Variants in NR3C2 observed in about 807,000 individuals in gnomAD.
NR3C2 encodes nuclear receptor subfamily 3 group C member 2.
Under a neutral mutation model 86.4 loss-of-function variants are expected in NR3C2, and 15 were observed. The observed-to-expected ratio is 0.17, with a 90% CI of 0.12 to 0.27. NR3C2 has a LOEUF of 0.27. Ranked by LOEUF, NR3C2 falls within the 10% of genes least tolerant of loss-of-function variation. The pLI is 1.00. For synonymous variants in NR3C2, 458 were observed against 450.5 expected (o/e 1.02, Z -0.21); for missense variants, 960 against 1,195.6 (o/e 0.80, Z 2.91).
chr4:148,381,969 T>C (rs1747015400), intron 2 of NR3C2, among the ~76,000 whole-genome samples: 9 of 152,204 alleles, frequency 5.9e-5, no homozygotes, highest in Admixed American at 4.6e-4. Context: ...CTAGATCCAA[T>C]ACAAATCTCC....
chr4:148,220,086 C>CT (rs1309638248), intron 3 of NR3C2, among the ~76,000 whole-genome samples: 2 of 110,248 alleles, frequency 1.8e-5, no homozygotes, highest in African/African-American at 6.2e-5. Flanking sequence ...CTACACCCAG[C>CT]TAATTTTTTT....
At chr4:148,246,073 T>A (rs1227016467) in intron 3 of NR3C2, among the ~76,000 whole-genome samples, 1 of 146,522 alleles carries the variant, frequency 6.8e-6, no homozygotes, top group African/African-American at 2.6e-5. Flanking sequence ...AAACGAATGG[T>A]GTTCCCTGGT....
chr4:148,279,482 C>T (rs1005725009), intron 2 of NR3C2, among the ~76,000 whole-genome samples: 1 of 152,142 alleles, frequency 6.6e-6, no homozygotes, highest in Admixed American at 6.5e-5. Context: ...AAACAAGACA[C>T]TAAAAATTCA....
intron 2 of NR3C2, among the ~76,000 whole-genome samples, chr4:148,382,326 G>A (rs1747038716): frequency 6.6e-6 from 1 of 152,080 alleles, no homozygotes; most frequent in Admixed American, 6.6e-5. Context: ...TAGGAGCTAA[G>A]GATAAAAATA....
chr4:148,344,362 G>A (rs1159424027), intron 2 of NR3C2, among the ~76,000 whole-genome samples: 1 of 152,104 alleles, frequency 6.6e-6, no homozygotes, highest in African/African-American at 2.4e-5. Context: ...ACAACATAGA[G>A]ACAGGATGGC....
intron 2 of NR3C2, among the ~76,000 whole-genome samples, chr4:148,374,348 A>C (rs1746569064): frequency 6.6e-6 from 1 of 152,096 alleles, no homozygotes; most frequent in Non-Finnish European, 1.5e-5. Context: ...TTTTGTCTAG[A>C]CTCTTCACAT....
At chr4:148,081,617 C>T (rs1173993588) in intron 8 of NR3C2, 118 bp from the exon 9 acceptor site, 7 of 1,366,788 alleles carry the variant, frequency 5.1e-6, no homozygotes, top group Non-Finnish European at 7.1e-6. Flanking sequence ...CCCAGGAGAC[C>T]ATGTCTTCAT....
chr4:148,357,968 T>C (rs1175406303), intron 2 of NR3C2, among the ~76,000 whole-genome samples: 2 of 152,180 alleles, frequency 1.3e-5, no homozygotes, highest in Non-Finnish European at 2.9e-5. Context: ...AAATATCCTC[T>C]TTCAAAGGAC....
At chr4:148,292,481 G>A (rs1056921236) in intron 2 of NR3C2, among the ~76,000 whole-genome samples, 39 of 151,896 alleles carry the variant, frequency 2.6e-4, no homozygotes, top group Non-Finnish European at 2.2e-4. Flanking sequence ...AAAATAGATC[G>A]AAAAGAAAAA....
intron 4 of NR3C2, among the ~76,000 whole-genome samples, chr4:148,188,991 G>A (rs935592850): frequency 5.4e-5 from 8 of 149,394 alleles, no homozygotes; most frequent in African/African-American, 7.5e-5. Context: ...GCAGTGGCGC[G>A]ATCTTGGCTC....
intron 2 of NR3C2, among the ~76,000 whole-genome samples, chr4:148,273,885 G>A (rs1387286450): frequency 1.3e-5 from 2 of 152,196 alleles, no homozygotes; most frequent in Admixed American, 6.5e-5. Context: ...GGGGGGTCAC[G>A]CTGTGGAGCA....
intron 2 of NR3C2, among the ~76,000 whole-genome samples, chr4:148,394,809 A>T (rs947745161): frequency 3.0e-4 from 46 of 152,346 alleles, no homozygotes; most frequent in African/African-American, 1.1e-3. Flanking sequence ...ATAATTGGTA[A>T]CATTTTTGCC....
chr4:148,163,233 A>G (rs993436005), intron 4 of NR3C2, among the ~76,000 whole-genome samples: 5 of 152,356 alleles, frequency 3.3e-5, no homozygotes, highest in Middle Eastern at 3.4e-3. Context: ...ATTCTAAGAT[A>G]ATAGGTAAGC....
chr4:148,105,531 G>T (rs1731755651), intron 8 of NR3C2, among the ~76,000 whole-genome samples: 1 of 152,120 alleles, frequency 6.6e-6, no homozygotes, highest in South Asian at 2.1e-4. Flanking sequence ...TTTTTATGAG[G>T]CCAGCATCAT....
chr4:148,182,546 AT>A (rs1313691046), intron 4 of NR3C2, among the ~76,000 whole-genome samples: 2 of 152,204 alleles, frequency 1.3e-5, no homozygotes, highest in Non-Finnish European at 2.9e-5. Context: ...TTTCAGCAAG[AT>A]TTTTTACCAA....
chr4:148,103,601 T>A, intron 8 of NR3C2, among the ~76,000 whole-genome samples: 1 of 152,238 alleles, frequency 6.6e-6, no homozygotes, highest in South Asian at 2.1e-4. Flanking sequence ...GTTCTGGTTA[T>A]GAAAAGCCTC....
intron 4 of NR3C2, among the ~76,000 whole-genome samples, chr4:148,171,929 G>C (rs1225399075): frequency 2.0e-5 from 3 of 152,138 alleles, no homozygotes; most frequent in Non-Finnish European, 4.4e-5. Flanking sequence ...AATCAGTACA[G>C]ATTCCTGACT....
At chr4:148,138,229 G>A (rs1482087838) in intron 6 of NR3C2, among the ~76,000 whole-genome samples, 2 of 152,132 alleles carry the variant, frequency 1.3e-5, no homozygotes, top group East Asian at 1.9e-4. Flanking sequence ...CGGGGCTTAC[G>A]TCTTCAACAA....
At position 148,356,460 on chromosome 4, in the gene NR3C2, G is replaced by A. The variant is rs375222477; in HGVS notation, c.1757+78644C>T. ...GACATCTGGGGGAGAAAAAAGTGACGTTTTTCTGTAGTGCCATTCATAAAG... is the reference window on the plus strand; with the variant it reads ...GACATCTGGGGGAGAAAAAAGTGACATTTTTCTGTAGTGCCATTCATAAAG... On this transcript the variant is annotated intron_variant, in intron 2 of 8. Transcript: ENST00000358102. Among the ~76,000 whole-genome samples, 111 of 152,196 alleles carry A rather than the reference G, an allele frequency of 7.3e-4. 3 individuals are homozygous for A. In the South Asian group the frequency reaches 0.021, roughly 29 times the overall value.
Sources: gnomAD v4.1 joint callset for allele counts (sites outside exome capture counted in the v4.1 genomes callset) on GRCh38, gnomAD v4.1.1 for gene constraint, MANE v1.5 for transcripts, NCBI Gene and HGNC (gene_info 2026-07-23, HGNC 2026-07-21) for gene names.